Variants in TSNARE1 observed in about 807,000 individuals in gnomAD.
TSNARE1 encodes t-SNARE domain-containing protein 1.
In TSNARE1, 49 loss-of-function variants were observed where a neutral mutation model predicts 62.0. The ratio of observed to expected loss-of-function variants is 0.79; its 90% CI spans 0.63 to 1.00. The LOEUF (loss-of-function observed/expected upper bound fraction) is 1.00, where lower values mean the gene tolerates loss of function less well. Ranked by LOEUF, TSNARE1 falls within the 50% of genes least tolerant of loss-of-function variation. TSNARE1 has a pLI of 0.00. For synonymous variants in TSNARE1, 328 were observed against 294.4 expected (o/e 1.11, Z -1.17); for missense variants, 755 against 700.1 (o/e 1.08, Z -0.88).
chr8:142,344,174 G>C lies in TSNARE1; in HGVS notation c.537C>G (p.Arg179=). 1 of 1,613,390 alleles carries C rather than the reference G, an allele frequency of 6.2e-7. No homozygotes were observed. The highest frequency in any genetic ancestry group is 8.5e-7 in the Non-Finnish European group (1 of 1,179,880). Residue 179 remains arginine (R), a synonymous_variant, in exon 4 of 14, where the codon CGC becomes CGG. Coordinates refer to ENST00000524325, the MANE Select transcript of TSNARE1 (RefSeq NM_145003.5). The part of the protein sequence containing the change: ...QAVNALGYCR[R]DVVDLKHKWR... ...ACTTGTGCTTCAGGTCCACAACGTC[G>C]CGGCGACAGTAGCCCAGCGCATTCA...
At chr8:142,282,324 G>A (rs1821645835) in intron 11 of TSNARE1, among the ~76,000 whole-genome samples, 1 of 152,256 alleles carries the variant, frequency 6.6e-6, no homozygotes. Context: ...GGGAATCTCT[G>A]GGCAGAGGCC....
intron 1 of TSNARE1, among the ~76,000 whole-genome samples, chr8:142,399,055 G>A (rs1312482025): frequency 6.6e-6 from 1 of 152,216 alleles, no homozygotes; most frequent in African/African-American, 2.4e-5. Context: ...CCCGAAGCAA[G>A]GCCCCTGCAG....
intron 12 of TSNARE1, chr8:142,273,484 C>G: frequency 1.0e-6 from 1 of 985,454 alleles, no homozygotes; most frequent in Non-Finnish European, 1.2e-6. Flanking sequence ...CAGCCCAGAG[C>G]TGGCGCCAGG....
At chr8:142,244,992 A>G (rs1817829921) in intron 12 of TSNARE1, among the ~76,000 whole-genome samples, 1 of 152,276 alleles carries the variant, frequency 6.6e-6, no homozygotes, top group Non-Finnish European at 1.5e-5. Context: ...ACGGAAAAAA[A>G]CCAACAATCC....
At chr8:142,362,221 T>C (rs1372212770) in intron 1 of TSNARE1, among the ~76,000 whole-genome samples, 1 of 152,192 alleles carries the variant, frequency 6.6e-6, no homozygotes, top group African/African-American at 2.4e-5. Context: ...GGCATCCTAC[T>C]CCCAGGCGGG....
chr8:142,272,596 C>T (rs1307545036), intron 12 of TSNARE1: 5 of 808,404 alleles, frequency 6.2e-6, no homozygotes, highest in Non-Finnish European at 7.4e-6. Flanking sequence ...CTCCTTCCAT[C>T]CACCCACCCA....
intron 9 of TSNARE1, among the ~76,000 whole-genome samples, chr8:142,307,978 T>C (rs1302581802): frequency 6.6e-6 from 1 of 152,244 alleles, no homozygotes; most frequent in East Asian, 1.9e-4. Context: ...ATTTTTCTGA[T>C]AACTCGTGTT....
chr8:142,270,892 C>G (rs900041213), intron 12 of TSNARE1: 21 of 985,476 alleles, frequency 2.1e-5, no homozygotes, highest in Non-Finnish European at 2.4e-5. Context: ...TCACCACCCT[C>G]TACAGGCAAT....
intron 4 of TSNARE1, among the ~76,000 whole-genome samples, chr8:142,335,460 C>G (rs1401414686): frequency 6.6e-5 from 10 of 152,138 alleles, no homozygotes; most frequent in Admixed American, 6.5e-4. Context: ...TACGGTGCTA[C>G]TTGAAGGCGG....
At chr8:142,331,002 A>C in intron 5 of TSNARE1, 32 bp from the exon 6 acceptor site, 2 of 1,606,402 alleles carry the variant, frequency 1.2e-6, no homozygotes, top group Non-Finnish European at 1.7e-6. Context: ...GGGTGAGGGC[A>C]GAAGGAGCTT....
At chr8:142,238,743 G>GCCCCTGCACGCCCA (rs1465891247) in intron 12 of TSNARE1, among the ~76,000 whole-genome samples, 6 of 16,550 alleles carry the variant, frequency 3.6e-4, no homozygotes, top group East Asian at 1.2e-3. Flanking sequence ...CTGCACGCCC[G>GCCCCTGCACGCCCA]CCCCTGCACG....
intron 1 of TSNARE1, among the ~76,000 whole-genome samples, chr8:142,377,491 T>A (rs1587077449): frequency 6.6e-6 from 1 of 152,340 alleles, no homozygotes; most frequent in East Asian, 1.9e-4. Flanking sequence ...AATTCATTTT[T>A]AAAACATTCA....
Position 142,295,475 on chromosome 8 carries a change from G to A in TSNARE1, c.1290+5011C>T, listed in dbSNP as rs1011400900. Among the ~76,000 whole-genome samples, 3 of 152,340 alleles carry A rather than the reference G, an allele frequency of 2.0e-5. No homozygotes were observed. In the East Asian group the frequency reaches 5.8e-4, roughly 29 times the overall value. On this transcript the variant is annotated intron_variant, in intron 10 of 13. Transcript: ENST00000524325. The stretch of plus-strand genomic sequence containing the variant: ...ACCCCTGTGTATGCAGCTGGAGCGG[G>A]CCTGTCTGGCGGAGAGTCCCAGCAC...
At chr8:142,259,343 C>T (rs781450423) in intron 12 of TSNARE1, among the ~76,000 whole-genome samples, 10 of 152,186 alleles carry the variant, frequency 6.6e-5, no homozygotes, top group Admixed American at 1.3e-4. Flanking sequence ...CAAGTGGGCA[C>T]GGCCAGAGCT....
At chr8:142,214,037 G>C (rs1272483490) in intron 13 of TSNARE1, among the ~76,000 whole-genome samples, 1 of 152,236 alleles carries the variant, frequency 6.6e-6, no homozygotes, top group Non-Finnish European at 1.5e-5. Context: ...CTGCCCCCAA[G>C]GCTTTCCATA....
chr8:142,342,695 G>GC (rs1832742828), intron 4 of TSNARE1, among the ~76,000 whole-genome samples: 1 of 148,504 alleles, frequency 6.7e-6, no homozygotes, highest in Non-Finnish European at 1.5e-5. Context: ...ACCTGTCCAG[G>GC]CCACCACAGC....
intron 1 of TSNARE1, among the ~76,000 whole-genome samples, chr8:142,356,574 G>A (rs896838530): frequency 9.9e-5 from 15 of 152,188 alleles, no homozygotes; most frequent in African/African-American, 3.6e-4. Context: ...AAGACACATG[G>A]GGGAAACACA....
At chr8:142,253,481 CCCAG>C (rs1818277273) in intron 12 of TSNARE1, among the ~76,000 whole-genome samples, 3 of 149,490 alleles carry the variant, frequency 2.0e-5, no homozygotes, top group Admixed American at 2.0e-4. Context: ...GCGGTCACCC[CCCAG>C]TCACCAGCTC....
intron 13 of TSNARE1, among the ~76,000 whole-genome samples, chr8:142,227,279 C>T (rs1331855952): frequency 2.7e-5 from 4 of 150,736 alleles, no homozygotes; most frequent in African/African-American, 1.0e-4. Context: ...CTCCACTGCA[C>T]CCACACAACA....
Sources: allele counts gnomAD v4.1 joint callset (sites outside exome capture counted in the v4.1 genomes callset), GRCh38; gene constraint gnomAD v4.1.1; transcripts MANE v1.5; gene names NCBI Gene and HGNC (gene_info 2026-07-23, HGNC 2026-07-21).